Variants in SGCZ observed in about 807,000 individuals in gnomAD.
SGCZ encodes sarcoglycan zeta, also known as zeta-sarcoglycan.
SGCZ carries 40 observed loss-of-function variants against 41.3 expected under a neutral mutation model. The ratio of observed to expected loss-of-function variants is 0.97; its 90% CI spans 0.75 to 1.26. The LOEUF (loss-of-function observed/expected upper bound fraction) is 1.26, where lower values mean the gene tolerates loss of function less well. Among genes scored for constraint, SGCZ ranks in the 50% most tolerant of loss-of-function variants. SGCZ has a pLI of 0.00. For missense variants in SGCZ, 552 were observed against 369.8 expected, an observed-to-expected ratio of 1.49 and a Z score of -4.04; for synonymous variants, 206 against 137.5, an observed-to-expected ratio of 1.50 and a Z score of -3.49.
Position 14,784,142 on chromosome 8 carries a change from G to A in SGCZ, c.40-229216C>T, listed in dbSNP as rs74335173. On this transcript the variant is annotated intron_variant, in intron 1 of 7. Transcript: ENST00000382080. ...CATGGTTCACAGTACACTTGACCTC[G>A]CAGGCTCAATATATCCTCTTCTCTC... 1.1e-3 allele frequency among the ~76,000 whole-genome samples: 170 copies of A among 150,732 alleles called. 2 individuals are homozygous for A. Among genetic ancestry groups the A allele is most frequent in the African/African-American group, 3.8e-3 (155 of 40,908 alleles).
chr8:14,714,093 G>A (rs957546314), intron 1 of SGCZ, among the ~76,000 whole-genome samples: 1 of 151,814 alleles, frequency 6.6e-6, no homozygotes, highest in Non-Finnish European at 1.5e-5. Context: ...TCAGCCTCCC[G>A]AGTACCTGGG....
intron 3 of SGCZ, among the ~76,000 whole-genome samples, chr8:14,245,906 C>A (rs1326151712): frequency 6.6e-6 from 1 of 152,184 alleles, no homozygotes; most frequent in East Asian, 1.9e-4. Flanking sequence ...GATACCATCT[C>A]ACACCAGTTA....
chr8:14,181,845 G>A (rs923897887), intron 4 of SGCZ, among the ~76,000 whole-genome samples: 4 of 152,104 alleles, frequency 2.6e-5, no homozygotes, highest in African/African-American at 9.7e-5. Flanking sequence ...TTTCTTAGCA[G>A]CCTGAGAACA....
chr8:14,163,482 C>G (rs950386665), intron 5 of SGCZ, among the ~76,000 whole-genome samples: 5 of 152,132 alleles, frequency 3.3e-5, no homozygotes, highest in Admixed American at 3.3e-4. Context: ...ACAGGCCCTC[C>G]TGTCTCTGAC....
intron 1 of SGCZ, among the ~76,000 whole-genome samples, chr8:14,922,200 G>A (rs1218565093): frequency 1.3e-5 from 2 of 151,950 alleles, no homozygotes; most frequent in South Asian, 4.2e-4. Context: ...AATACCACAA[G>A]CAGAAAATGA....
intron 1 of SGCZ, among the ~76,000 whole-genome samples, chr8:14,558,044 G>C (rs1178316970): frequency 1.3e-5 from 2 of 152,070 alleles, no homozygotes; most frequent in Non-Finnish European, 2.9e-5. Context: ...AACATTTTAA[G>C]TGCATAGACT....
At chr8:14,389,958 G>A (rs1014198669) in intron 2 of SGCZ, among the ~76,000 whole-genome samples, 1 of 151,932 alleles carries the variant, frequency 6.6e-6, no homozygotes, top group South Asian at 2.1e-4. Flanking sequence ...TGTGAGTATT[G>A]AGAAACGAAG....
chr8:14,123,393 T>C (rs1324802476), intron 5 of SGCZ, among the ~76,000 whole-genome samples: 1 of 152,204 alleles, frequency 6.6e-6, no homozygotes, highest in Non-Finnish European at 1.5e-5. Flanking sequence ...GAAGTGATGT[T>C]AAACAATTTG....
chr8:14,092,056 A>T (rs1273694874), intron 7 of SGCZ, among the ~76,000 whole-genome samples: 2 of 152,070 alleles, frequency 1.3e-5, no homozygotes, highest in Admixed American at 6.6e-5. Context: ...TTTTCCCAAC[A>T]CCATTTATTA....
intron 1 of SGCZ, among the ~76,000 whole-genome samples, chr8:14,606,366 CA>C (rs1805748997): frequency 6.6e-6 from 1 of 152,200 alleles, no homozygotes; most frequent in Non-Finnish European, 1.5e-5. Flanking sequence ...GTTCTAGCCA[CA>C]ATGGCTTTGT....
At chr8:14,587,057 A>G (rs1336675796) in intron 1 of SGCZ, among the ~76,000 whole-genome samples, 1 of 151,870 alleles carries the variant, frequency 6.6e-6, no homozygotes, top group Non-Finnish European at 1.5e-5. Flanking sequence ...CTTGGATTTT[A>G]TTATTCATTT....
At chr8:14,106,974 T>C (rs2116996836) in intron 6 of SGCZ, among the ~76,000 whole-genome samples, 1 of 152,228 alleles carries the variant, frequency 6.6e-6, no homozygotes, top group African/African-American at 2.4e-5. Flanking sequence ...CCCAGCACTT[T>C]GGGAGGCCGA....
intron 2 of SGCZ, among the ~76,000 whole-genome samples, chr8:14,466,266 G>A (rs1318392557): frequency 6.6e-6 from 1 of 151,812 alleles, no homozygotes; most frequent in Admixed American, 6.6e-5. Flanking sequence ...CAGTTTTTTT[G>A]TTTGTTTGCT....
At chr8:15,047,225 G>A (rs887781618) in intron 1 of SGCZ, among the ~76,000 whole-genome samples, 15 of 152,092 alleles carry the variant, frequency 9.9e-5, no homozygotes, top group African/African-American at 3.6e-4. Flanking sequence ...AAAACAAACT[G>A]TCTCTTTCAC....
At chr8:14,156,085 G>C (rs1357821202) in intron 5 of SGCZ, among the ~76,000 whole-genome samples, 2 of 152,156 alleles carry the variant, frequency 1.3e-5, no homozygotes, top group Non-Finnish European at 2.9e-5. Flanking sequence ...GTCGGTGAGT[G>C]GTGAGTGAAT....
At chr8:14,981,320 C>T (rs781638515) in intron 1 of SGCZ, among the ~76,000 whole-genome samples, 2 of 152,082 alleles carry the variant, frequency 1.3e-5, no homozygotes, top group South Asian at 2.1e-4. Flanking sequence ...AAACTGAATA[C>T]GTTGTCTTTT....
intron 1 of SGCZ, among the ~76,000 whole-genome samples, chr8:15,008,124 A>G (rs182992022): frequency 2.4e-4 from 36 of 152,322 alleles, no homozygotes; most frequent in African/African-American, 6.5e-4. Flanking sequence ...ATAATCTTCA[A>G]GAAGGATATT....
At chr8:14,113,261 G>A (rs1021332339) in intron 5 of SGCZ, among the ~76,000 whole-genome samples, 2 of 151,922 alleles carry the variant, frequency 1.3e-5, no homozygotes, top group Admixed American at 6.6e-5. Flanking sequence ...TTCCACTTAC[G>A]TATAAAATAT....
intron 3 of SGCZ, among the ~76,000 whole-genome samples, chr8:14,252,300 T>C (rs1799316621): frequency 6.6e-6 from 1 of 152,158 alleles, no homozygotes; most frequent in South Asian, 2.1e-4. Context: ...TATATTTTTG[T>C]CATGTATTTT....
Sources: gnomAD v4.1 joint callset for allele counts (sites outside exome capture counted in the v4.1 genomes callset) on GRCh38, gnomAD v4.1.1 for gene constraint, MANE v1.5 for transcripts, NCBI Gene and HGNC (gene_info 2026-07-23, HGNC 2026-07-21) for gene names.